The following CEP112 variants were observed in gnomAD, a reference collection of about 807,000 sequenced individuals.
CEP112 encodes the protein centrosomal protein of 112 kDa.
In CEP112, 127 loss-of-function variants were observed where a neutral mutation model predicts 153.0. The observed-to-expected ratio is 0.83, with a 90% CI of 0.72 to 0.96. CEP112 has a LOEUF of 0.96. Among genes scored for constraint, CEP112 ranks in the 40% least tolerant of loss-of-function variants. CEP112 has a pLI of 0.00. For synonymous variants in CEP112, 358 were observed against 374.4 expected, an observed-to-expected ratio of 0.96 and a Z score of 0.51; for missense variants, 1,089 against 1,101.2, an observed-to-expected ratio of 0.99 and a Z score of 0.16.
intron 11 of CEP112, 78 bp downstream of exon 11, chr17:66,062,885 T>C (rs987357913): frequency 2.9e-6 from 2 of 685,346 alleles, no homozygotes; most frequent in Non-Finnish European, 4.7e-6. Flanking sequence ...TTCTGTGAAA[T>C]CTATTACTTT....
intron 4 of CEP112, among the ~76,000 whole-genome samples, chr17:66,164,363 C>A (rs1416208992): frequency 6.6e-6 from 1 of 151,652 alleles, no homozygotes; most frequent in Non-Finnish European, 1.5e-5. Context: ...TTGGAGCCCA[C>A]CCTGGCCAAC....
intron 22 of CEP112, among the ~76,000 whole-genome samples, chr17:65,750,430 T>C (rs907301991): frequency 3.3e-5 from 5 of 152,200 alleles, no homozygotes; most frequent in African/African-American, 9.7e-5. Flanking sequence ...TGTGTGTGTG[T>C]GTGCATGTGT....
At chr17:66,040,387 A>T in intron 12 of CEP112, among the ~76,000 whole-genome samples, 1 of 151,660 alleles carries the variant, frequency 6.6e-6, no homozygotes, top group Middle Eastern at 3.2e-3. Context: ...TTTTTATTGA[A>T]TTGTTTTTCT....
chr17:66,171,068 C>A (rs1425536813), intron 4 of CEP112, among the ~76,000 whole-genome samples: 1 of 152,052 alleles, frequency 6.6e-6, no homozygotes. Context: ...ATACTTCTAA[C>A]AAGTTTGGAA....
rs371887882 is a variant in CEP112 at position 66,027,515 on chromosome 17, T to C, written c.1642A>G (p.Ile548Val). 121 of 1,338,452 alleles carry C rather than the reference T, an allele frequency of 9.0e-5. No homozygotes were observed. Among genetic ancestry groups the C allele is most frequent in the Non-Finnish European group, 1.2e-4 (119 of 1,001,734 alleles). The allele number at this position is 1,338,452 out of a possible 1,614,324, so 82.9% of individuals were successfully genotyped here. A position where few individuals can be genotyped will look rare whatever the true frequency, so the allele number is the denominator to read the frequency against. ...FQMEKSHLKHIYEKKAHDLQS... is the reference protein window; with the variant it reads ...FQMEKSHLKHVYEKKAHDLQS... The stretch of plus-strand genomic sequence containing the variant: ...AAACATATTACCTTTTTTTCATAGA[T>C]GTGTTTTAAATGACTTTTCTCCATC... Residue 548 changes from isoleucine to valine, a missense_variant, in exon 16 of 27, where the codon ATC (isoleucine) becomes GTC (valine). By Grantham distance (29) the Ile-to-Val change is conservative. Coordinates refer to ENST00000535342, the MANE Select transcript of CEP112 (RefSeq NM_001199165.4).
At chr17:65,870,596 T>C (rs2058642552) in intron 20 of CEP112, among the ~76,000 whole-genome samples, 2 of 152,104 alleles carry the variant, frequency 1.3e-5, no homozygotes, top group African/African-American at 2.4e-5. Context: ...GAAACAAAAA[T>C]ACCTTCAAAT....
intron 21 of CEP112, among the ~76,000 whole-genome samples, chr17:65,811,415 A>G (rs1003699223): frequency 1.3e-5 from 2 of 152,186 alleles, no homozygotes; most frequent in Non-Finnish European, 1.5e-5. Flanking sequence ...TGAGTTAGAA[A>G]TGTGGGGGTT....
chr17:66,154,595 A>T (rs1175537711), intron 4 of CEP112, among the ~76,000 whole-genome samples: 1 of 152,150 alleles, frequency 6.6e-6, no homozygotes, highest in Non-Finnish European at 1.5e-5. Flanking sequence ...ATTAGCCATG[A>T]CCCCTACCTC....
chr17:65,732,396 C>T (rs1335644994), intron 23 of CEP112, among the ~76,000 whole-genome samples: 2 of 152,210 alleles, frequency 1.3e-5, no homozygotes, highest in East Asian at 3.8e-4. Flanking sequence ...TGAAAAAGCA[C>T]AGGCAGATTA....
At chr17:65,836,797 CTCTCCCTCTCCCTCTCCCCATCCCCT>C (rs1332861303) in intron 21 of CEP112, among the ~76,000 whole-genome samples, 11 of 151,940 alleles carry the variant, frequency 7.2e-5, no homozygotes, top group Non-Finnish European at 2.9e-5. Context: ...AAGACATTTG[CTCTCCCTCTCCCTCTCCCCATCCCCT>C]TCCCCCTCCC....
intron 18 of CEP112, among the ~76,000 whole-genome samples, chr17:65,958,616 G>A (rs1161711491): frequency 1.7e-5 from 1 of 59,116 alleles, no homozygotes; most frequent in Non-Finnish European, 3.6e-5. Flanking sequence ...CTGGACTTTG[G>A]CTGCCAATGA....
At chr17:65,929,628 T>C (rs1262728699) in intron 18 of CEP112, among the ~76,000 whole-genome samples, 1 of 128,442 alleles carries the variant, frequency 7.8e-6, no homozygotes, top group Non-Finnish European at 1.7e-5. Context: ...TACATCTTCA[T>C]TAGGGCTGTT....
At chr17:65,899,572 A>G (rs1403715768) in intron 20 of CEP112, among the ~76,000 whole-genome samples, 1 of 152,174 alleles carries the variant, frequency 6.6e-6, no homozygotes, top group Non-Finnish European at 1.5e-5. Flanking sequence ...ATTCACCTTA[A>G]GGTTGGTAAC....
intron 23 of CEP112, among the ~76,000 whole-genome samples, chr17:65,700,778 G>T (rs968972782): frequency 2.0e-5 from 3 of 152,148 alleles, no homozygotes; most frequent in African/African-American, 4.8e-5. Flanking sequence ...TGGCAGGGAG[G>T]CCTGCTGGGG....
chr17:65,900,868 T>C (rs1223628371), intron 20 of CEP112, among the ~76,000 whole-genome samples: 2 of 152,196 alleles, frequency 1.3e-5, no homozygotes, highest in African/African-American at 2.4e-5. Flanking sequence ...TCTCGTACCA[T>C]GGGCACTACA....
intron 6 of CEP112, 96 bp downstream of exon 6, chr17:66,129,650 C>A (rs2070034156): frequency 1.2e-6 from 1 of 847,904 alleles, no homozygotes; most frequent in Admixed American, 2.4e-5. Flanking sequence ...TAACATCCAA[C>A]GTTCACTGAA....
At chr17:66,173,622 T>C (rs1050355494) in intron 4 of CEP112, among the ~76,000 whole-genome samples, 2 of 152,216 alleles carry the variant, frequency 1.3e-5, no homozygotes, top group African/African-American at 4.8e-5. Context: ...CTGATGTATT[T>C]TGCAGCTAAA....
chr17:66,070,818 G>C (rs1052962147), intron 8 of CEP112, among the ~76,000 whole-genome samples: 7 of 152,146 alleles, frequency 4.6e-5, no homozygotes, highest in African/African-American at 1.4e-4. Context: ...GAGTCTGGCA[G>C]ACCTCTTTTC....
At chr17:65,772,601 CACACACACACACACACAG>C (rs756087009) in intron 21 of CEP112, among the ~76,000 whole-genome samples, 2,354 of 124,718 alleles carry the variant, frequency 0.019, 29 homozygotes, top group African/African-American at 0.036. Context: ...CACACACACA[CACACACACACACACACAG>C]ACAGCCCCTT....
Sources: gnomAD v4.1 joint callset for allele counts (sites outside exome capture counted in the v4.1 genomes callset) on GRCh38, gnomAD v4.1.1 for gene constraint, MANE v1.5 for transcripts, NCBI Gene and HGNC (gene_info 2026-07-23, HGNC 2026-07-21) for gene names.